DPP6: variants seen among roughly 807,000 people sequenced by gnomAD.
The protein encoded by DPP6 is dipeptidyl peptidase like 6.
DPP6 carries 69 observed loss-of-function variants against 122.6 expected under a neutral mutation model. That is an observed-to-expected ratio of 0.56 (90% CI 0.46 to 0.69). The LOEUF is 0.69. Ranked by LOEUF, DPP6 falls within the 30% of genes least tolerant of loss-of-function variation. DPP6 has a pLI of 0.00. For missense variants in DPP6, 928 were observed against 1,116.9 expected, an observed-to-expected ratio of 0.83 and a Z score of 2.41; for synonymous variants, 418 against 433.1, an observed-to-expected ratio of 0.97 and a Z score of 0.43.
intron 1 of DPP6, among the ~76,000 whole-genome samples, chr7:154,056,890 T>G (rs2129065503): frequency 6.6e-6 from 1 of 152,394 alleles, no homozygotes; most frequent in East Asian, 1.9e-4. Context: ...AACTGTAATT[T>G]AAAATTTTTT....
At chr7:154,761,647 G>A (rs1241416694) in intron 8 of DPP6, among the ~76,000 whole-genome samples, 6 of 152,208 alleles carry the variant, frequency 3.9e-5, no homozygotes, top group Non-Finnish European at 1.5e-5. Context: ...ATCACGTGGT[G>A]GGAGCAGGAG....
At chr7:154,345,882 G>T (rs923267787) in intron 1 of DPP6, among the ~76,000 whole-genome samples, 1 of 152,108 alleles carries the variant, frequency 6.6e-6, no homozygotes, top group Non-Finnish European at 1.5e-5. Context: ...CTGCTCCCTC[G>T]TTCCATCCAT....
At chr7:154,643,957 G>C (rs1836282558) in intron 6 of DPP6, among the ~76,000 whole-genome samples, 1 of 152,172 alleles carries the variant, frequency 6.6e-6, no homozygotes, top group African/African-American at 2.4e-5. Flanking sequence ...CTTTGCATGA[G>C]CCAACACTTC....
intron 1 of DPP6, among the ~76,000 whole-genome samples, chr7:154,324,790 C>CCGTCCT (rs374147545): frequency 9.9e-4 from 150 of 152,194 alleles, no homozygotes; most frequent in African/African-American, 3.6e-3. Context: ...TTTATGTGGT[C>CCGTCCT]CGTCCTCACA....
intron 7 of DPP6, among the ~76,000 whole-genome samples, chr7:154,702,379 G>A (rs886534807): frequency 2.0e-5 from 3 of 152,276 alleles, no homozygotes; most frequent in African/African-American, 7.2e-5. Context: ...CATGTCAAAA[G>A]CACCACGATA....
At chr7:153,771,690 A>G in the DPP6 span, among the ~76,000 whole-genome samples, 1 of 152,156 alleles carries the variant, frequency 6.6e-6, no homozygotes. Context: ...TCAACACAGA[A>G]TTTTATACAG....
At chr7:154,251,314 G>A (rs1007106180) in intron 1 of DPP6, among the ~76,000 whole-genome samples, 4 of 152,162 alleles carry the variant, frequency 2.6e-5, no homozygotes, top group African/African-American at 9.7e-5. Context: ...GCTATGCTCT[G>A]AGAATGATGG....
At chr7:153,858,940 C>T in the DPP6 span, among the ~76,000 whole-genome samples, 2 of 152,154 alleles carry the variant, frequency 1.3e-5, no homozygotes, top group African/African-American at 4.8e-5. Flanking sequence ...TTTATACCCC[C>T]ATGACTGCCT....
rs1302370007 is a variant in DPP6 at position 154,877,577 on chromosome 7, G to C, written c.2078+1477G>C. Among the ~76,000 whole-genome samples, 1 of 152,186 alleles carries C rather than the reference G, an allele frequency of 6.6e-6. No individual in the cohort carries two copies. The highest frequency in any genetic ancestry group is 2.4e-5 in the African/African-American group (1 of 41,446). ...GCCAGCCATGATGGTCTCATCCTAAGCCGAGCCCTCAGTCACGGGGTGGCC... is the reference window on the plus strand; with the variant it reads ...GCCAGCCATGATGGTCTCATCCTAACCCGAGCCCTCAGTCACGGGGTGGCC... On this transcript the variant is annotated intron_variant, in intron 20 of 25. Transcript: ENST00000377770. The surrounding 1 kb of genome is among the most constrained non-coding windows in gnomAD (Gnocchi z 5.2).
At chr7:154,453,434 A>C (rs1820561686) in intron 2 of DPP6, among the ~76,000 whole-genome samples, 1 of 152,100 alleles carries the variant, frequency 6.6e-6, no homozygotes, top group Non-Finnish European at 1.5e-5. Context: ...CTGTGACCGC[A>C]TTGCCAACCC....
chr7:154,885,577 T>C, intron 21 of DPP6, 56 bp from the exon 22 acceptor site: 1 of 1,543,576 alleles, frequency 6.5e-7, no homozygotes, highest in Non-Finnish European at 8.8e-7. Context: ...CCGAGGCTGC[T>C]TCATGCTGAG....
At chr7:154,565,018 C>T (rs1034102102) in intron 4 of DPP6, among the ~76,000 whole-genome samples, 1 of 152,158 alleles carries the variant, frequency 6.6e-6, no homozygotes, top group Non-Finnish European at 1.5e-5. Context: ...TGTATAGTAT[C>T]ACTAAGGGCA....
intron 21 of DPP6, chr7:154,884,801 TCA>T (rs1407484220): frequency 2.6e-5 from 4 of 151,782 alleles, no homozygotes; most frequent in African/African-American, 7.3e-5. Flanking sequence ...GCACACACTC[TCA>T]CATGTATAGG....
intron 1 of DPP6, among the ~76,000 whole-genome samples, chr7:154,098,149 C>T (rs71532617): frequency 6.6e-6 from 1 of 152,000 alleles, no homozygotes; most frequent in Non-Finnish European, 1.5e-5. Context: ...GTAATTTAAT[C>T]GTGGAGATGG....
At chr7:154,487,800 T>A (rs1434801237) in intron 3 of DPP6, among the ~76,000 whole-genome samples, 1 of 152,148 alleles carries the variant, frequency 6.6e-6, no homozygotes, top group Non-Finnish European at 1.5e-5. Flanking sequence ...TTAATTATCA[T>A]TGACATCTTT....
intron 7 of DPP6, among the ~76,000 whole-genome samples, chr7:154,697,816 C>T (rs573753158): frequency 6.6e-6 from 1 of 152,222 alleles, no homozygotes; most frequent in Non-Finnish European, 1.5e-5. Context: ...ATGGCGTGCG[C>T]GGCTCTGTCT....
the DPP6 span, among the ~76,000 whole-genome samples, chr7:153,774,809 T>C: frequency 6.6e-6 from 1 of 151,762 alleles, no homozygotes; most frequent in Non-Finnish European, 1.5e-5. Flanking sequence ...TATGAAAAAT[T>C]TTTAAGTTAA....
chr7:154,653,209 C>G (rs1166544986), intron 6 of DPP6, among the ~76,000 whole-genome samples: 2 of 152,214 alleles, frequency 1.3e-5, no homozygotes, highest in East Asian at 3.9e-4. Context: ...GTAAACAGAG[C>G]TGGGCATGGT....
At chr7:154,423,167 A>G (rs950797314) in intron 1 of DPP6, among the ~76,000 whole-genome samples, 4 of 152,220 alleles carry the variant, frequency 2.6e-5, no homozygotes, top group Non-Finnish European at 4.4e-5. Context: ...GCAATAGGGA[A>G]AAGAATACAA....
Sources: gnomAD v4.1 joint callset for allele counts (sites outside exome capture counted in the v4.1 genomes callset) on GRCh38, gnomAD v4.1.1 for gene constraint, Gnocchi (gnomAD v3.1) non-coding constraint, MANE v1.5 for transcripts, NCBI Gene and HGNC (gene_info 2026-07-23, HGNC 2026-07-21) for gene names.